CLSTN2: variants seen among roughly 807,000 people sequenced by gnomAD.
The protein encoded by CLSTN2 is calsyntenin-2.
In CLSTN2, 48 loss-of-function variants were observed where a neutral mutation model predicts 101.2. That is an observed-to-expected ratio of 0.47 (90% CI 0.38 to 0.60). CLSTN2 has a LOEUF of 0.60. CLSTN2 is among the 20% of genes least tolerant of loss of function. CLSTN2 has a pLI of 0.00. For synonymous variants in CLSTN2, 481 were observed against 463.6 expected, an observed-to-expected ratio of 1.04 and a Z score of -0.48; for missense variants, 1,160 against 1,238.2, an observed-to-expected ratio of 0.94 and a Z score of 0.95.
At chr3:140,315,864 G>A (rs2087224881) in intron 2 of CLSTN2, among the ~76,000 whole-genome samples, 1 of 152,182 alleles carries the variant, frequency 6.6e-6, no homozygotes, top group Admixed American at 6.5e-5. Flanking sequence ...TGTCAGGGTA[G>A]AGGGTAGGTA....
At chr3:140,495,773 T>C (rs1934452394) in intron 8 of CLSTN2, among the ~76,000 whole-genome samples, 1 of 152,196 alleles carries the variant, frequency 6.6e-6, no homozygotes, top group Non-Finnish European at 1.5e-5. Context: ...CAGATGGTTG[T>C]AGGTGTATGG....
intron 1 of CLSTN2, among the ~76,000 whole-genome samples, chr3:140,075,080 C>T (rs2008463719): frequency 6.6e-6 from 1 of 152,194 alleles, no homozygotes; most frequent in African/African-American, 2.4e-5. Context: ...TAGTTATTTG[C>T]TCCTTTCTTT....
chr3:140,146,119 C>T (rs1427103533), intron 1 of CLSTN2, among the ~76,000 whole-genome samples: 2 of 152,102 alleles, frequency 1.3e-5, no homozygotes, highest in Non-Finnish European at 1.5e-5. Flanking sequence ...TGGCCCTGCT[C>T]GTTTAGAAAG....
chr3:140,397,791 AT>A (rs2088199500), intron 2 of CLSTN2, among the ~76,000 whole-genome samples: 1 of 152,244 alleles, frequency 6.6e-6, no homozygotes, highest in African/African-American at 2.4e-5. Context: ...ACGTTGTTAC[AT>A]TAAAATCCAT....
At chr3:139,955,803 G>A (rs1019878523) in intron 1 of CLSTN2, among the ~76,000 whole-genome samples, 4 of 152,178 alleles carry the variant, frequency 2.6e-5, no homozygotes, top group African/African-American at 9.7e-5. Context: ...GGATGGATAG[G>A]GGACATTCGT....
chr3:140,441,276 C>T (rs917018300), intron 5 of CLSTN2, among the ~76,000 whole-genome samples: 1 of 152,188 alleles, frequency 6.6e-6, no homozygotes, highest in African/African-American at 2.4e-5. Context: ...AGGAGGAAAA[C>T]ATTCTCTCAC....
intron 2 of CLSTN2, among the ~76,000 whole-genome samples, chr3:140,232,589 G>T (rs985409663): frequency 2.0e-5 from 3 of 152,078 alleles, no homozygotes; most frequent in Non-Finnish European, 4.4e-5. Flanking sequence ...CCCTGCTAAG[G>T]TTCTAGTCCC....
Position 140,300,816 on chromosome 3 carries a change from G to A in CLSTN2, c.233-102813G>A, listed in dbSNP as rs2087051535. Among the ~76,000 whole-genome samples, 3 of 149,558 alleles carry A rather than the reference G, an allele frequency of 2.0e-5. No homozygotes were observed. The South Asian group carries it at 6.4e-4, about 32-fold the overall frequency. ...GTACCAGTAGGCGATATATATATATGCATACATAAAGAGATTTACTATGAA... is the reference window on the plus strand; with the variant it reads ...GTACCAGTAGGCGATATATATATATACATACATAAAGAGATTTACTATGAA... On this transcript the variant is annotated intron_variant, in intron 2 of 16. Transcript: ENST00000458420.
At chr3:140,388,607 A>G (rs1269227918) in intron 2 of CLSTN2, among the ~76,000 whole-genome samples, 2 of 152,214 alleles carry the variant, frequency 1.3e-5, no homozygotes, top group Non-Finnish European at 2.9e-5. Context: ...CCTGAATTCA[A>G]ATTTTGGCTT....
chr3:140,103,488 G>A (rs570237672), intron 1 of CLSTN2, among the ~76,000 whole-genome samples: 28 of 152,268 alleles, frequency 1.8e-4, no homozygotes, highest in African/African-American at 6.7e-4. Context: ...GCTTTTTGTG[G>A]CTTCATTTAG....
intron 2 of CLSTN2, among the ~76,000 whole-genome samples, chr3:140,297,611 A>G (rs1559831948): frequency 6.6e-6 from 1 of 152,216 alleles, no homozygotes; most frequent in Non-Finnish European, 1.5e-5. Context: ...TTTCTAAATT[A>G]GGAGTTAAAA....
chr3:140,427,130 T>C (rs1029018286), intron 5 of CLSTN2, among the ~76,000 whole-genome samples: 3 of 140,816 alleles, frequency 2.1e-5, no homozygotes, highest in Non-Finnish European at 3.0e-5. Flanking sequence ...TAGCCAGTAG[T>C]GCGCCACTGC....
At chr3:140,431,693 C>G (rs576587656) in intron 5 of CLSTN2, among the ~76,000 whole-genome samples, 1 of 152,268 alleles carries the variant, frequency 6.6e-6, no homozygotes, top group African/African-American at 2.4e-5. Context: ...CCCTGAACCC[C>G]ACACAGGGGT....
intron 1 of CLSTN2, among the ~76,000 whole-genome samples, chr3:140,015,057 A>G (rs1008268203): frequency 6.6e-6 from 1 of 152,128 alleles, no homozygotes; most frequent in Non-Finnish European, 1.5e-5. Context: ...TGAGCCTCTT[A>G]TTCACATCCA....
intron 2 of CLSTN2, among the ~76,000 whole-genome samples, chr3:140,231,407 C>T (rs6794161): frequency 1.1e-4 from 16 of 152,150 alleles, no homozygotes; most frequent in African/African-American, 3.9e-4. Flanking sequence ...AAAATGCAGA[C>T]TGTTTCATGA....
chr3:140,402,937 A>C (rs572340035), intron 2 of CLSTN2, among the ~76,000 whole-genome samples: 1 of 152,268 alleles, frequency 6.6e-6, no homozygotes, highest in South Asian at 2.1e-4. Flanking sequence ...AATTTTCTCA[A>C]TAGGGAAAGA....
chr3:140,386,982 T>C (rs2107968082), intron 2 of CLSTN2, among the ~76,000 whole-genome samples: 1 of 152,302 alleles, frequency 6.6e-6, no homozygotes, highest in East Asian at 1.9e-4. Flanking sequence ...CTTACAACAG[T>C]GCTTCTCCTA....
At position 140,201,107 on chromosome 3, in the gene CLSTN2, G is replaced by C. The variant is rs146754125; in HGVS notation, c.232+25034G>C. Among the ~76,000 whole-genome samples the C allele has an allele frequency of 1.9e-4, 29 of 152,342 alleles. No individual in the cohort carries two copies. In the East Asian group the frequency reaches 4.8e-3, roughly 25 times the overall value. ...TGTTGGCTGAGATGAACGTGACAGA[G>C]GCCCTGCCTTCAAAAGTTTTATTCA... is the stretch of plus-strand genomic sequence containing the variant. On this transcript the variant is annotated intron_variant, in intron 2 of 16. Coordinates refer to ENST00000458420, the MANE Select transcript of CLSTN2 (RefSeq NM_022131.3).
chr3:140,412,800 G>T (rs980156528), intron 4 of CLSTN2, among the ~76,000 whole-genome samples: 1 of 152,008 alleles, frequency 6.6e-6, no homozygotes, highest in African/African-American at 2.4e-5. Flanking sequence ...ACAACAAATG[G>T]GTCAAAGAAG....
Sources: allele counts gnomAD v4.1 joint callset (sites outside exome capture counted in the v4.1 genomes callset), GRCh38; gene constraint gnomAD v4.1.1; transcripts MANE v1.5; gene names NCBI Gene and HGNC (gene_info 2026-07-23, HGNC 2026-07-21).